The following CNTNAP4 variants were observed in gnomAD, a reference collection of about 807,000 sequenced individuals.
CNTNAP4 encodes the protein contactin-associated protein-like 4.
In CNTNAP4, 98 loss-of-function variants were observed where a neutral mutation model predicts 148.4. The observed-to-expected ratio is 0.66, with a 90% CI of 0.56 to 0.78. The LOEUF (loss-of-function observed/expected upper bound fraction) is 0.78, where lower values mean the gene tolerates loss of function less well. Among genes scored for constraint, CNTNAP4 ranks in the 30% least tolerant of loss-of-function variants. CNTNAP4 has a pLI of 0.00. For missense variants in CNTNAP4, 1,935 were observed against 1,565.6 expected, an observed-to-expected ratio of 1.24 and a Z score of -3.98; for synonymous variants, 730 against 565.1, an observed-to-expected ratio of 1.29 and a Z score of -4.14.
Position 76,481,581 on chromosome 16 carries a change from C to T in CNTNAP4, c.1882+2043C>T, listed in dbSNP as rs142681949. ...GCATTTTAACTGCTTAATAGCCTCC[C>T]GGGGCTAGTATGGAGTGTATCATTG... is the stretch of plus-strand genomic sequence containing the variant. On this transcript the variant is annotated intron_variant, in intron 12 of 23. Coordinates refer to ENST00000611870, the MANE Select transcript of CNTNAP4 (RefSeq NM_033401.5). Among the ~76,000 whole-genome samples the T allele has an allele frequency of 9.2e-5, 14 of 152,066 alleles. No individual in the cohort carries two copies. The South Asian group carries it at 1.7e-3, about 18-fold the overall frequency.
chr16:76,478,892 A>G (rs2081696315), intron 11 of CNTNAP4, among the ~76,000 whole-genome samples: 1 of 152,112 alleles, frequency 6.6e-6, no homozygotes. Flanking sequence ...CATTTGTTTT[A>G]TGAAAAAAAT....
intron 2 of CNTNAP4, among the ~76,000 whole-genome samples, chr16:76,343,933 C>T (rs1479216895): frequency 6.6e-6 from 1 of 152,136 alleles, no homozygotes; most frequent in Non-Finnish European, 1.5e-5. Flanking sequence ...GCATTCCTCT[C>T]ATTTGTTTGT....
intron 1 of CNTNAP4, among the ~76,000 whole-genome samples, chr16:76,309,594 C>G (rs1960868065): frequency 2.0e-5 from 3 of 152,108 alleles, no homozygotes. Context: ...GAAACATGGG[C>G]AAAAATGAGG....
chr16:76,522,399 C>CA (rs2083491764), intron 17 of CNTNAP4, 142 bp downstream of exon 17: 1 of 739,026 alleles, frequency 1.4e-6, no homozygotes, highest in Non-Finnish European at 2.2e-6. Flanking sequence ...AAACTGTGTC[C>CA]AAATGCTTCA....
In CNTNAP4 at chr16:76,535,758, C is replaced by T; in HGVS notation, c.2969C>T (p.Ala990Val). ...TTCTTTTGTGACTGCACTTTCTCTG[C>T]ATACACAGGGCCATTCTGCTCAAAT... is the stretch of plus-strand genomic sequence containing the variant. ...IGFFCDCTFSAYTGPFCSNEI... is the reference protein window; with the variant it reads ...IGFFCDCTFSVYTGPFCSNEI... The change falls in exon 18 of 24, where the codon GCA becomes GTA. Residue 990 changes from alanine to valine, a missense_variant. Physicochemically the swap from Ala to Val is moderately conservative, Grantham distance 64 (BLOSUM62 0). Coordinates refer to ENST00000611870, the MANE Select transcript of CNTNAP4 (RefSeq NM_033401.5). 6.2e-7 allele frequency: 1 copy of T among 1,613,790 alleles called. No homozygotes were observed. Among genetic ancestry groups the T allele is most frequent in the Non-Finnish European group, 8.5e-7 (1 of 1,179,804 alleles).
intron 2 of CNTNAP4, among the ~76,000 whole-genome samples, chr16:76,344,739 A>G (rs754434718): frequency 3.3e-5 from 5 of 152,244 alleles, no homozygotes; most frequent in Non-Finnish European, 7.3e-5. Flanking sequence ...ATGATCGTAT[A>G]TGAGATCATC....
chr16:76,539,807 T>A lies in CNTNAP4; in HGVS notation c.3309T>A (p.Leu1103=), dbSNP rs747344248. The change falls in exon 20 of 24, where the codon CTT becomes CTA. Residue 1103 remains leucine (L), a synonymous_variant. Transcript: ENST00000611870. ...TTAAAAACATGGCTGATGGACAACT[T>A]CACCACATAATGATTAACAGAGAAG... is the stretch of plus-strand genomic sequence containing the variant. ...FDFKNMADGQ[L]HHIMINREEG... 1 of 1,603,270 alleles carries A rather than the reference T, an allele frequency of 6.2e-7. No homozygotes were observed. The highest frequency in any genetic ancestry group is 1.1e-5 in the South Asian group (1 of 89,196).
At chr16:76,424,350 G>C (rs943083948) in intron 3 of CNTNAP4, among the ~76,000 whole-genome samples, 2 of 152,102 alleles carry the variant, frequency 1.3e-5, no homozygotes, top group South Asian at 2.1e-4. Flanking sequence ...TATAATTAGG[G>C]ATTGTGTTAG....
intron 11 of CNTNAP4, among the ~76,000 whole-genome samples, chr16:76,478,474 A>T (rs58074382): frequency 6.6e-6 from 1 of 152,206 alleles, no homozygotes; most frequent in Non-Finnish European, 1.5e-5. Context: ...TTTTGGTAAC[A>T]TTGAACAAAT....
At chr16:76,365,150 G>A (rs2013955584) in intron 3 of CNTNAP4, among the ~76,000 whole-genome samples, 1 of 152,138 alleles carries the variant, frequency 6.6e-6, no homozygotes, top group Admixed American at 6.5e-5. Context: ...CCCATTGCTT[G>A]TTTTTGTCAG....
At chr16:76,368,806 G>A (rs1309383333) in intron 3 of CNTNAP4, among the ~76,000 whole-genome samples, 1 of 151,950 alleles carries the variant, frequency 6.6e-6, no homozygotes, top group Admixed American at 6.6e-5. Context: ...GTGTATCCCA[G>A]AACTTAAGTA....
chr16:76,534,309 G>T (rs1474224907), intron 17 of CNTNAP4, among the ~76,000 whole-genome samples: 1 of 152,164 alleles, frequency 6.6e-6, no homozygotes, highest in African/African-American at 2.4e-5. Flanking sequence ...TTGAATGAAG[G>T]CTAGGTTAAG....
chr16:76,420,314 CTATTT>C (rs1418380365), intron 3 of CNTNAP4, among the ~76,000 whole-genome samples: 6 of 73,144 alleles, frequency 8.2e-5, no homozygotes, highest in East Asian at 9.1e-4. Context: ...GTTTTTGCTG[CTATTT>C]TATTATTTTT....
intron 2 of CNTNAP4, among the ~76,000 whole-genome samples, chr16:76,351,088 T>C (rs1420038335): frequency 2.0e-5 from 3 of 152,172 alleles, no homozygotes; most frequent in Non-Finnish European, 4.4e-5. Flanking sequence ...TCTTAGGATA[T>C]TGAATATATT....
At chr16:76,311,072 G>A (rs765291289) in intron 1 of CNTNAP4, among the ~76,000 whole-genome samples, 24 of 152,036 alleles carry the variant, frequency 1.6e-4, no homozygotes, top group Admixed American at 4.6e-4. Flanking sequence ...CACTGAGAAC[G>A]TAGCACCTAA....
intron 3 of CNTNAP4, among the ~76,000 whole-genome samples, chr16:76,379,295 AG>A (rs1317993257): frequency 6.6e-6 from 1 of 152,176 alleles, no homozygotes; most frequent in Non-Finnish European, 1.5e-5. Flanking sequence ...AAAGAGAATG[AG>A]ATTCACAGAA....
chr16:76,391,972 A>G (rs1421388957), intron 3 of CNTNAP4, among the ~76,000 whole-genome samples: 1 of 151,002 alleles, frequency 6.6e-6, no homozygotes, highest in East Asian at 1.9e-4. Context: ...ATTCAATATA[A>G]TTAGCATTAG....
chr16:76,418,893 A>T (rs796307618), intron 3 of CNTNAP4, among the ~76,000 whole-genome samples: 7 of 152,120 alleles, frequency 4.6e-5, no homozygotes, highest in African/African-American at 1.7e-4. Flanking sequence ...TATAGGTACT[A>T]TAGGTACCAG....
chr16:76,521,092 TTTG>T, intron 15 of CNTNAP4, 45 bp from the exon 16 acceptor site: 1 of 1,483,176 alleles, frequency 6.7e-7, no homozygotes, highest in Non-Finnish European at 9.1e-7. Flanking sequence ...ATTTCATGAA[TTTG>T]TTTTCTTTCT....
Sources: allele counts gnomAD v4.1 joint callset (sites outside exome capture counted in the v4.1 genomes callset), GRCh38; gene constraint gnomAD v4.1.1; transcripts MANE v1.5; gene names NCBI Gene and HGNC (gene_info 2026-07-23, HGNC 2026-07-21).